Variants in ANXA8 observed in about 807,000 individuals in gnomAD.
ANXA8 encodes the protein VAC-beta.
A neutral mutation model predicts 26.8 loss-of-function variants in ANXA8; 9 were observed. The observed-to-expected ratio is 0.34, with a 90% CI of 0.20 to 0.59. ANXA8 has a LOEUF of 0.59. Ranked by LOEUF, ANXA8 falls within the 20% of genes least tolerant of loss-of-function variation. The pLI is 0.84. For missense variants in ANXA8, 83 were observed against 238.5 expected, an observed-to-expected ratio of 0.35 and a Z score of 4.29; for synonymous variants, 39 against 94.8, an observed-to-expected ratio of 0.41 and a Z score of 3.42.
At chr10:47,647,409 C>T in the ANXA8 span, among the ~76,000 whole-genome samples, 82 of 150,680 alleles carry the variant, frequency 5.4e-4, no homozygotes, top group African/African-American at 2.0e-3. Context: ...TCTTTTAATG[C>T]TCTAAACAAT....
the ANXA8 span, among the ~76,000 whole-genome samples, chr10:47,591,179 T>C: frequency 6.9e-6 from 1 of 145,554 alleles, no homozygotes; most frequent in Non-Finnish European, 1.5e-5. Context: ...GCTCATGCAT[T>C]TGGGTGGGGC....
chr10:47,710,357 TCAACCTGATGTGTTAGTCCACGCAGTA>T, the ANXA8 span: 2 of 999,080 alleles, frequency 2.0e-6, no homozygotes, highest in Non-Finnish European at 3.0e-6. Flanking sequence ...TGGAGCACCT[TCAACCTGATGTGTTAGTCCACGCAGTA>T]CTAAGAGTTG....
the ANXA8 span, chr10:47,502,992 G>C: frequency 3.6e-5 from 57 of 1,562,056 alleles, 5 homozygotes; most frequent in Non-Finnish European, 4.3e-5. Flanking sequence ...TGGAGATACC[G>C]GGGCTGAAGC....
At chr10:47,619,074 T>A in the ANXA8 span, among the ~76,000 whole-genome samples, 1 of 113,302 alleles carries the variant, frequency 8.8e-6, no homozygotes. Context: ...AAGAGAGGGT[T>A]GCATTCTCAT....
chr10:47,665,865 A>T, the ANXA8 span, among the ~76,000 whole-genome samples: 66 of 151,882 alleles, frequency 4.3e-4, no homozygotes, highest in African/African-American at 1.6e-3. Context: ...ACAAAGTATA[A>T]CTCAATTTGG....
chr10:47,548,960 A>G, the ANXA8 span, among the ~76,000 whole-genome samples: 18 of 152,382 alleles, frequency 1.2e-4, no homozygotes, highest in Admixed American at 2.0e-4. Context: ...GCCAGGAAGG[A>G]TCCAAGAAGA....
the ANXA8 span, among the ~76,000 whole-genome samples, chr10:47,969,645 G>C: frequency 6.8e-6 from 1 of 146,414 alleles, no homozygotes; most frequent in Non-Finnish European, 1.5e-5. Flanking sequence ...TCCACCGAAG[G>C]GCCCCTGTGG....
the ANXA8 span, among the ~76,000 whole-genome samples, chr10:47,587,242 C>T: frequency 2.0e-5 from 3 of 148,864 alleles, no homozygotes; most frequent in African/African-American, 7.8e-5. Flanking sequence ...AATGGATTAG[C>T]TTGCTGACAA....
chr10:47,570,520 C>A, the ANXA8 span, among the ~76,000 whole-genome samples: 2 of 150,082 alleles, frequency 1.3e-5, 1 homozygote, highest in African/African-American at 5.0e-5. Context: ...TGCTTGTAAT[C>A]CCAGCATTTT....
At chr10:47,572,489 G>T in the ANXA8 span, among the ~76,000 whole-genome samples, 1 of 150,770 alleles carries the variant, frequency 6.6e-6, no homozygotes, top group Non-Finnish European at 1.5e-5. Context: ...GCCGAGGCAG[G>T]CAAATCACCT....
At chr10:47,486,081 C>A (rs1324353774), upstream of ANXA8, among the ~76,000 whole-genome samples, 1 of 151,024 alleles carries the variant, frequency 6.6e-6, no homozygotes, top group Non-Finnish European at 1.5e-5. Flanking sequence ...GCACTCCTGC[C>A]TGGGCAACAG....
At chr10:47,988,459 CCT>C in the ANXA8 span, among the ~76,000 whole-genome samples, 5 of 83,856 alleles carry the variant, frequency 6.0e-5, 1 homozygote, top group African/African-American at 1.6e-4. Flanking sequence ...AGCTCTACCC[CCT>C]GAGAGCATGA....
At chr10:47,649,629 G>A in the ANXA8 span, among the ~76,000 whole-genome samples, 10 of 151,552 alleles carry the variant, frequency 6.6e-5, no homozygotes, top group South Asian at 1.0e-3. Context: ...GGCTGGTCTC[G>A]AACTCCTGAC....
the ANXA8 span, among the ~76,000 whole-genome samples, chr10:47,581,908 G>T: frequency 1.3e-5 from 2 of 150,088 alleles, no homozygotes; most frequent in African/African-American, 5.0e-5. Context: ...CCCCGCCAAT[G>T]CTATTTATTT....
the ANXA8 span, among the ~76,000 whole-genome samples, chr10:47,980,884 C>A: frequency 1.3e-5 from 2 of 151,304 alleles, no homozygotes; most frequent in Non-Finnish European, 3.0e-5. Context: ...GATTAGTTTT[C>A]CCAAACATTT....
At chr10:47,639,324 T>TAC in the ANXA8 span, among the ~76,000 whole-genome samples, 1 of 123,558 alleles carries the variant, frequency 8.1e-6, no homozygotes, top group Non-Finnish European at 1.7e-5. Flanking sequence ...ATTTTTTTTT[T>TAC]TTTTTTGAGA....
the ANXA8 span, among the ~76,000 whole-genome samples, chr10:47,699,535 A>G: frequency 6.6e-6 from 1 of 151,510 alleles, no homozygotes; most frequent in Admixed American, 6.6e-5. Context: ...AATGTTAAAA[A>G]ATATCATTAG....
At chr10:47,521,729 G>A in the ANXA8 span, among the ~76,000 whole-genome samples, 51 of 150,598 alleles carry the variant, frequency 3.4e-4, no homozygotes, top group African/African-American at 9.8e-4. Context: ...GTTTTCTACC[G>A]GCTCCCATCC....
the ANXA8 span, among the ~76,000 whole-genome samples, chr10:47,762,079 T>C: frequency 1.6e-5 from 2 of 126,684 alleles, no homozygotes; most frequent in African/African-American, 2.9e-5. Flanking sequence ...ACCTTCCCCC[T>C]GGTCTGCAAT....
Sources: allele counts gnomAD v4.1 joint callset (sites outside exome capture counted in the v4.1 genomes callset), GRCh38; gene constraint gnomAD v4.1.1; transcripts MANE v1.5; gene names NCBI Gene and HGNC (gene_info 2026-07-23, HGNC 2026-07-21).